Variants in FLT1 observed in about 807,000 individuals in gnomAD.
The protein encoded by FLT1 is fms related receptor tyrosine kinase 1.
Under a neutral mutation model 156.3 loss-of-function variants are expected in FLT1, and 49 were observed. The ratio of observed to expected loss-of-function variants is 0.31; its 90% CI spans 0.25 to 0.40. FLT1 has a LOEUF of 0.40. Ranked by LOEUF, FLT1 falls within the 10% of genes least tolerant of loss-of-function variation. The probability of loss-of-function intolerance (pLI) is 1.00; values close to 1 mark genes in which losing one functional copy is unlikely to be tolerated. For missense variants in FLT1, 1,322 were observed against 1,637.2 expected, an observed-to-expected ratio of 0.81 and a Z score of 3.32; for synonymous variants, 594 against 583.8, an observed-to-expected ratio of 1.02 and a Z score of -0.25.
At chr13:28,401,366 C>G (rs527714740) in intron 11 of FLT1, among the ~76,000 whole-genome samples, 1 of 152,182 alleles carries the variant, frequency 6.6e-6, no homozygotes, top group Admixed American at 6.5e-5. Flanking sequence ...AGCCCATTCT[C>G]TAGGCTCTTT....
intron 16 of FLT1, 48 bp downstream of exon 16, chr13:28,345,397 T>TTTAGAATA: frequency 4.1e-6 from 5 of 1,231,246 alleles, no homozygotes; most frequent in South Asian, 1.3e-5. Flanking sequence ...GATCGGGCTT[T>TTTAGAATA]TTAGAATATA....
At chr13:28,410,315 T>C (rs1876083594) in intron 10 of FLT1, among the ~76,000 whole-genome samples, 1 of 152,198 alleles carries the variant, frequency 6.6e-6, no homozygotes, top group Non-Finnish European at 1.5e-5. Flanking sequence ...TAGCTACTGA[T>C]AGTAAGTATT....
chr13:28,468,517 C>T (rs1879973775), intron 1 of FLT1, among the ~76,000 whole-genome samples: 1 of 152,220 alleles, frequency 6.6e-6, no homozygotes, highest in South Asian at 2.1e-4. Context: ...CCTTCCATTT[C>T]TCACAGTCCC....
chr13:28,411,881 G>C (rs1445616334), intron 10 of FLT1, among the ~76,000 whole-genome samples: 3 of 152,190 alleles, frequency 2.0e-5, no homozygotes, highest in Non-Finnish European at 2.9e-5. Context: ...TCTCAAGACA[G>C]ATAATAATCT....
chr13:28,494,819 C>T lies in FLT1; in HGVS notation c.25G>A (p.Val9Ile), dbSNP rs942859011. 3.8e-6 allele frequency: 6 copies of T among 1,572,916 alleles called. No homozygotes were observed. In the African/African-American group the frequency reaches 5.5e-5, roughly 14 times the overall value. ...CAGCTGAGCAGCGCGCACAGCAGGA[C>T]CCCGGTGTCCCAGTAGCTGACCATG... is the stretch of plus-strand genomic sequence containing the variant. Reference protein sequence around the residue: MVSYWDTGVLLCALLSCLL... With the variant: MVSYWDTGILLCALLSCLL... The change falls in exon 1 of 30, where the codon GTC (valine) becomes ATC (isoleucine). Residue 9 changes from valine (V) to isoleucine (I), a missense_variant. Transcript: ENST00000282397.
At chr13:28,415,814 A>G (rs1876613069) in intron 10 of FLT1, among the ~76,000 whole-genome samples, 1 of 152,242 alleles carries the variant, frequency 6.6e-6, no homozygotes, top group South Asian at 2.1e-4. Context: ...GATTTCCTAA[A>G]TAATCTGAAA....
In FLT1 at chr13:28,357,630, C is replaced by T; in HGVS notation, c.2172G>A (p.Glu724=). 6.2e-7 allele frequency: 1 copy of T among 1,613,644 alleles called. No homozygotes were observed. The highest frequency in any genetic ancestry group is 8.5e-7 in the Non-Finnish European group (1 of 1,179,560). The part of the protein sequence containing the change: ...STLFIERVTE[E]DEGVYHCKAT... The stretch of plus-strand genomic sequence containing the variant: ...CTTTGCAGTGATAGACACCTTCATC[C>T]TCTTCTGTGACTCTTTCAATAAACA... The change falls in exon 15 of 30, where the codon GAG becomes GAA. Residue 724 remains glutamate, a synonymous_variant. Transcript: ENST00000282397.
chr13:28,345,575 A>G, intron 15 of FLT1, 24 bp from the exon 16 acceptor site: 1 of 1,365,528 alleles, frequency 7.3e-7, no homozygotes, highest in Non-Finnish European at 1.0e-6. Context: ...AAATCACAAT[A>G]GTGGTGCAAC....
intron 1 of FLT1, among the ~76,000 whole-genome samples, chr13:28,492,900 T>A (rs1336049464): frequency 2.6e-5 from 4 of 151,834 alleles, no homozygotes; most frequent in Non-Finnish European, 5.9e-5. Flanking sequence ...GGTAAAGAGG[T>A]TCTCAGCTTG....
chr13:28,415,261 C>A (rs1285649583), intron 10 of FLT1, among the ~76,000 whole-genome samples: 2 of 152,194 alleles, frequency 1.3e-5, no homozygotes, highest in Non-Finnish European at 2.9e-5. Flanking sequence ...AGACGGACCA[C>A]CTGAGGTTGG....
intron 10 of FLT1, among the ~76,000 whole-genome samples, chr13:28,421,478 C>A (rs1433699286): frequency 1.3e-5 from 2 of 152,150 alleles, no homozygotes; most frequent in Admixed American, 6.5e-5. Flanking sequence ...GCAAGGTGGT[C>A]CAGGTTGGCA....
At chr13:28,442,427 A>G (rs1034178892) in intron 3 of FLT1, among the ~76,000 whole-genome samples, 3 of 152,226 alleles carry the variant, frequency 2.0e-5, no homozygotes, top group Non-Finnish European at 4.4e-5. Flanking sequence ...ACCAATCCCA[A>G]ATGAAAATAG....
chr13:28,494,097 C>A (rs555999042), intron 1 of FLT1, among the ~76,000 whole-genome samples: 15 of 152,324 alleles, frequency 9.8e-5, no homozygotes, highest in South Asian at 6.2e-4. Context: ...TGGGGCCCCG[C>A]GGTCCGAGAG....
At chr13:28,441,968 A>G (rs917007719) in intron 3 of FLT1, among the ~76,000 whole-genome samples, 1 of 152,178 alleles carries the variant, frequency 6.6e-6, no homozygotes, top group Non-Finnish European at 1.5e-5. Context: ...AAAACTATAA[A>G]TTTTGCATTT....
intron 3 of FLT1, among the ~76,000 whole-genome samples, chr13:28,450,064 T>C (rs565374974): frequency 1.3e-5 from 2 of 152,112 alleles, no homozygotes; most frequent in Admixed American, 6.5e-5. Flanking sequence ...TCAACAGATG[T>C]TTATGGAGAA....
chr13:28,467,221 G>C, intron 2 of FLT1, 92 bp from the exon 3 acceptor site: 1 of 966,670 alleles, frequency 1.0e-6, no homozygotes, highest in Non-Finnish European at 1.7e-6. Flanking sequence ...AGGAAGCGGA[G>C]GTCCTCTCTT....
intron 16 of FLT1, among the ~76,000 whole-genome samples, chr13:28,344,792 CTTTTTTTTTTTTTTTTTT>C (rs869199622): frequency 2.4e-5 from 1 of 41,438 alleles, no homozygotes; most frequent in Non-Finnish European, 4.8e-5. Context: ...GGGGCCTTTA[CTTTTTTTTTTTTTTTTTT>C]TTTTTTTTTT....
chr13:28,402,282 C>G (rs1875491652), intron 11 of FLT1, among the ~76,000 whole-genome samples: 1 of 152,116 alleles, frequency 6.6e-6, no homozygotes, highest in African/African-American at 2.4e-5. Context: ...GCAGTCTAAG[C>G]TGGGACTTTA....
At chr13:28,488,234 C>T (rs1424637339) in intron 1 of FLT1, among the ~76,000 whole-genome samples, 1 of 151,982 alleles carries the variant, frequency 6.6e-6, no homozygotes, top group Non-Finnish European at 1.5e-5. Context: ...CCTGTCTCTA[C>T]AAAAAACACA....
Sources: allele counts gnomAD v4.1 joint callset (sites outside exome capture counted in the v4.1 genomes callset), GRCh38; gene constraint gnomAD v4.1.1; transcripts MANE v1.5; gene names NCBI Gene and HGNC (gene_info 2026-07-23, HGNC 2026-07-21).